TOPAZ1: variants seen among roughly 807,000 people sequenced by gnomAD.
The protein encoded by TOPAZ1 is protein TOPAZ1.
A neutral mutation model predicts 172.2 loss-of-function variants in TOPAZ1; 66 were observed. The observed-to-expected ratio is 0.38, with a 90% CI of 0.31 to 0.47. The LOEUF (loss-of-function observed/expected upper bound fraction) is 0.47, where lower values mean the gene tolerates loss of function less well. TOPAZ1 is among the 20% of genes least tolerant of loss of function. The pLI, the probability that TOPAZ1 is intolerant of heterozygous loss-of-function variation, is 0.99. For missense variants in TOPAZ1, 1,822 were observed against 1,972.4 expected (o/e 0.92, Z 1.44); for synonymous variants, 681 against 683.9 (o/e 1.00, Z 0.07).
chr3:44,278,999 T>C (rs530399749), intron 8 of TOPAZ1, among the ~76,000 whole-genome samples: 3 of 152,166 alleles, frequency 2.0e-5, no homozygotes, highest in South Asian at 2.1e-4. Context: ...AGAATAGTTG[T>C]TGCTATATCG....
At chr3:44,301,159 A>G (rs967007579) in intron 12 of TOPAZ1, among the ~76,000 whole-genome samples, 3 of 152,216 alleles carry the variant, frequency 2.0e-5, no homozygotes, top group Non-Finnish European at 4.4e-5. Context: ...AAAGGGTATC[A>G]TGAGAAAGTT....
At chr3:44,281,070 T>G (rs1225200999) in intron 8 of TOPAZ1, among the ~76,000 whole-genome samples, 2 of 152,070 alleles carry the variant, frequency 1.3e-5, no homozygotes, top group African/African-American at 2.4e-5. Flanking sequence ...ATTATAGGAG[T>G]CTGCAGCCGG....
At chr3:44,290,743 T>C in intron 11 of TOPAZ1, 28 bp from the exon 12 acceptor site, 2 of 1,424,294 alleles carry the variant, frequency 1.4e-6, no homozygotes, top group Non-Finnish European at 1.9e-6. Context: ...TTTGTAAGAA[T>C]AACCACTCTT....
chr3:44,335,706 G>A (rs1700716940), downstream of TOPAZ1, among the ~76,000 whole-genome samples: 1 of 152,160 alleles, frequency 6.6e-6, no homozygotes, highest in African/African-American at 2.4e-5. Flanking sequence ...TTTTGTTCAT[G>A]TACATAGAAA....
At chr3:44,264,804 A>T (rs1203481492) in intron 5 of TOPAZ1, among the ~76,000 whole-genome samples, 1 of 152,238 alleles carries the variant, frequency 6.6e-6, no homozygotes, top group Non-Finnish European at 1.5e-5. Context: ...TGGCTTCTTC[A>T]TCAGGAGTAG....
At chr3:44,324,695 G>A (rs1192493860) in intron 18 of TOPAZ1, among the ~76,000 whole-genome samples, 1 of 152,054 alleles carries the variant, frequency 6.6e-6, no homozygotes, top group East Asian at 1.9e-4. Flanking sequence ...CCCATTTAAA[G>A]TATACAAGTC....
At chr3:44,306,177 C>T (rs1355407562) in intron 14 of TOPAZ1, 149 bp from the exon 15 acceptor site, 1 of 502,020 alleles carries the variant, frequency 2.0e-6, no homozygotes, top group Non-Finnish European at 3.7e-6. Context: ...ACAGGAAAAC[C>T]ATTGTTGGCT....
chr3:44,278,612 T>C (rs1699989390), intron 8 of TOPAZ1, among the ~76,000 whole-genome samples: 2 of 152,192 alleles, frequency 1.3e-5, no homozygotes, highest in African/African-American at 2.4e-5. Flanking sequence ...CTCTAGATTT[T>C]CTACTTTTTC....
At position 44,290,744 on chromosome 3, in the gene TOPAZ1, A is replaced by G. The variant is rs1186018428; in HGVS notation, c.3682-27A>G. The G allele has an allele frequency of 1.3e-5, 18 of 1,427,162 alleles. No individual in the cohort carries two copies. In the South Asian group the frequency reaches 2.0e-4, roughly 16 times the overall value. The allele number at this position is 1,427,162 out of a possible 1,614,324, so 88.4% of individuals were successfully genotyped here. A position where few individuals can be genotyped will look rare whatever the true frequency, so the allele number is the denominator to read the frequency against. On this transcript the variant is annotated intron_variant, in intron 11 of 19. Coordinates refer to ENST00000309765, the MANE Select transcript of TOPAZ1 (RefSeq NM_001145030.2). ...AATTCTGTCACATTTTTGTAAGAAT[A>G]ACCACTCTTTCTTTTCTCTTCTACA... is the stretch of plus-strand genomic sequence containing the variant.
At chr3:44,256,463 C>T (rs1699705132) in intron 4 of TOPAZ1, among the ~76,000 whole-genome samples, 185 bp downstream of exon 4, 1 of 152,138 alleles carries the variant, frequency 6.6e-6, no homozygotes, top group South Asian at 2.1e-4. Flanking sequence ...AAAAGATCTT[C>T]CTTGCCTGGG....
intron 4 of TOPAZ1, among the ~76,000 whole-genome samples, chr3:44,258,983 A>G (rs1241333994): frequency 3.3e-5 from 5 of 152,228 alleles, no homozygotes; most frequent in Non-Finnish European, 7.3e-5. Context: ...TCCACGTTAC[A>G]TACATATAGT....
In TOPAZ1 at chr3:44,275,203, G is replaced by A. The variant is rs563522661; in HGVS notation, c.3372+4393G>A. On this transcript the variant is annotated intron_variant, in intron 8 of 19. Coordinates refer to ENST00000309765, the MANE Select transcript of TOPAZ1 (RefSeq NM_001145030.2). ...CCTTGAGTGTTTAACATTTCTATGA[G>A]TTGGGAACATTTCAAATTCTTCTAG... 7.9e-5 allele frequency among the ~76,000 whole-genome samples: 12 copies of A among 152,092 alleles called. No homozygotes were observed. In the South Asian group the frequency reaches 2.5e-3, roughly 32 times the overall value.
At chr3:44,268,767 A>G (rs955154650) in intron 6 of TOPAZ1, among the ~76,000 whole-genome samples, 3 of 152,012 alleles carry the variant, frequency 2.0e-5, no homozygotes, top group African/African-American at 7.2e-5. Flanking sequence ...ACTTCTATAA[A>G]CACCCTATCT....
chr3:44,327,265 C>A (rs991368026), intron 18 of TOPAZ1, among the ~76,000 whole-genome samples: 4 of 152,174 alleles, frequency 2.6e-5, no homozygotes, highest in East Asian at 1.9e-4. Context: ...AGAAAGATTT[C>A]TTGAAGAAAC....
chr3:44,298,280 G>A (rs1179555126), intron 12 of TOPAZ1, among the ~76,000 whole-genome samples: 3 of 152,008 alleles, frequency 2.0e-5, no homozygotes, highest in Non-Finnish European at 4.4e-5. Flanking sequence ...CCTGGGCAAC[G>A]TGGTGAAACC....
chr3:44,245,191 C>G lies in TOPAZ1; in HGVS notation c.2685C>G (p.Pro895=), dbSNP rs1343292074. The part of the protein sequence containing the change: ...TSEVPKISQE[P]NVAGEHQSTD... Reference sequence around the variant, plus strand: ...AGGTCCCAAAGATAAGCCAGGAGCCCAATGTTGCTGGAGAGCACCAATCAA... The same window carrying G: ...AGGTCCCAAAGATAAGCCAGGAGCCGAATGTTGCTGGAGAGCACCAATCAA... The change falls in exon 2 of 20, where the codon CCC becomes CCG. Residue 895 remains proline (P), a synonymous_variant. Coordinates refer to ENST00000309765, the MANE Select transcript of TOPAZ1 (RefSeq NM_001145030.2). The G allele has an allele frequency of 1.3e-6, 2 of 1,551,568 alleles. No individual in the cohort carries two copies. Among genetic ancestry groups the G allele is most frequent in the Non-Finnish European group, 8.7e-7 (1 of 1,147,000 alleles).
chr3:44,255,576 C>T (rs1271609197), intron 3 of TOPAZ1, among the ~76,000 whole-genome samples: 1 of 149,414 alleles, frequency 6.7e-6, no homozygotes, highest in African/African-American at 2.5e-5. Flanking sequence ...GGTGTGAACC[C>T]GGGAGGCGGA....
intron 9 of TOPAZ1, among the ~76,000 whole-genome samples, chr3:44,283,045 G>A (rs1190886681): frequency 6.6e-6 from 1 of 152,056 alleles, no homozygotes; most frequent in Non-Finnish European, 1.5e-5. Flanking sequence ...ATGAGATGTG[G>A]AAGGAAAAAG....
At chr3:44,248,751 C>T (rs1168069861) in intron 2 of TOPAZ1, among the ~76,000 whole-genome samples, 1 of 152,098 alleles carries the variant, frequency 6.6e-6, no homozygotes, top group Non-Finnish European at 1.5e-5. Flanking sequence ...TTTTATTTTA[C>T]AGGAATAAAA....
Sources: gnomAD v4.1 joint callset for allele counts (sites outside exome capture counted in the v4.1 genomes callset) on GRCh38, gnomAD v4.1.1 for gene constraint, MANE v1.5 for transcripts, NCBI Gene and HGNC (gene_info 2026-07-23, HGNC 2026-07-21) for gene names.